The following SLC22A3 variants were observed in gnomAD, a reference collection of about 807,000 sequenced individuals.
The protein encoded by SLC22A3 is solute carrier family 22 member 3.
Under a neutral mutation model 59.1 loss-of-function variants are expected in SLC22A3, and 51 were observed. That is an observed-to-expected ratio of 0.86 (90% confidence interval 0.69 to 1.09). The LOEUF is 1.09. Ranked by LOEUF, SLC22A3 falls within the 50% of genes least tolerant of loss-of-function variation. The pLI, the probability that SLC22A3 is intolerant of heterozygous loss-of-function variation, is 0.00. For missense variants in SLC22A3, 711 were observed against 726.3 expected, an observed-to-expected ratio of 0.98 and a Z score of 0.24; for synonymous variants, 325 against 292.0, an observed-to-expected ratio of 1.11 and a Z score of -1.15.
intron 5 of SLC22A3, among the ~76,000 whole-genome samples, chr6:160,433,711 A>G (rs1255214789): frequency 6.6e-6 from 1 of 152,074 alleles, no homozygotes; most frequent in Non-Finnish European, 1.5e-5. Context: ...TATCTCAAAA[A>G]AAATTTTTTT....
chr6:160,407,214 A>T lies in SLC22A3; in HGVS notation c.688+19A>T. ...GTGATTGGTAAGACATTCTTACACCATCTTCTCTATTTGGAAACTAGGGCC... is the reference window on the plus strand; with the variant it reads ...GTGATTGGTAAGACATTCTTACACCTTCTTCTCTATTTGGAAACTAGGGCC... On this transcript the variant is annotated intron_variant, in intron 3 of 10. Coordinates refer to ENST00000275300, the MANE Select transcript of SLC22A3 (RefSeq NM_021977.4). 1.9e-6 allele frequency: 3 copies of T among 1,581,220 alleles called. No individual in the cohort carries two copies. The highest frequency in any genetic ancestry group is 2.6e-6 in the Non-Finnish European group (3 of 1,164,260).
intron 1 of SLC22A3, among the ~76,000 whole-genome samples, chr6:160,365,342 C>G (rs1785169194): frequency 6.6e-6 from 1 of 152,314 alleles, no homozygotes; most frequent in African/African-American, 2.4e-5. Context: ...CAAGGTCTGC[C>G]ACACCCTAAA....
chr6:160,348,980 G>T (rs1784571732), intron 1 of SLC22A3, 132 bp downstream of exon 1: 1 of 1,513,348 alleles, frequency 6.6e-7, no homozygotes, highest in Non-Finnish European at 8.8e-7. Context: ...TACCTCTGGG[G>T]ACAGACAGGA....
chr6:160,387,169 G>A (rs1363925074), intron 1 of SLC22A3, among the ~76,000 whole-genome samples: 1 of 152,228 alleles, frequency 6.6e-6, no homozygotes, highest in Non-Finnish European at 1.5e-5. Context: ...CCGAGGCCAG[G>A]GGCATGCAGA....
chr6:160,437,935 A>G (rs1348194429), intron 7 of SLC22A3, among the ~76,000 whole-genome samples: 1 of 152,176 alleles, frequency 6.6e-6, no homozygotes, highest in Non-Finnish European at 1.5e-5. Flanking sequence ...TGGAATCCAG[A>G]CAAGGAGCCT....
intron 5 of SLC22A3, among the ~76,000 whole-genome samples, chr6:160,417,251 T>G (rs973443785): frequency 6.6e-6 from 1 of 152,182 alleles, no homozygotes; most frequent in East Asian, 1.9e-4. Flanking sequence ...ACAGCCCTCT[T>G]GCTCCTTCTG....
intron 1 of SLC22A3, among the ~76,000 whole-genome samples, chr6:160,360,947 C>T (rs1784992278): frequency 6.6e-6 from 1 of 152,178 alleles, no homozygotes; most frequent in South Asian, 2.1e-4. Context: ...GCAGGTAAAT[C>T]ATTCTAAAAG....
chr6:160,348,937 A>AG, intron 1 of SLC22A3, 89 bp downstream of exon 1: 4 of 1,531,286 alleles, frequency 2.6e-6, no homozygotes, highest in Non-Finnish European at 3.5e-6. Flanking sequence ...GCTGGCCGCC[A>AG]GGGGAGGTCG....
chr6:160,408,661 T>G (rs1282603923), intron 3 of SLC22A3, 92 bp from the exon 4 acceptor site: 1 of 1,232,966 alleles, frequency 8.1e-7, no homozygotes, highest in Non-Finnish European at 1.2e-6. Flanking sequence ...GCAATGCTGA[T>G]GGATGTAACA....
Position 160,408,937 on chromosome 6 carries a change from T to C in SLC22A3, c.857+16T>C, listed in dbSNP as rs1015963195. 5.0e-6 allele frequency: 8 copies of C among 1,611,184 alleles called. No homozygotes were observed. Among genetic ancestry groups the C allele is most frequent in the Non-Finnish European group, 5.9e-6 (7 of 1,177,826 alleles). Reference sequence around the variant, plus strand: ...TTTATTACTGGTAATGTGGTTTTGGTTATCATCATATTTATACTGATTCTG... The same window carrying C: ...TTTATTACTGGTAATGTGGTTTTGGCTATCATCATATTTATACTGATTCTG... On this transcript the variant is annotated intron_variant, in intron 4 of 10. Coordinates refer to ENST00000275300, the MANE Select transcript of SLC22A3 (RefSeq NM_021977.4).
intron 5 of SLC22A3, among the ~76,000 whole-genome samples, chr6:160,426,999 A>G (rs1583503271): frequency 6.6e-6 from 1 of 152,258 alleles, no homozygotes; most frequent in East Asian, 1.9e-4. Flanking sequence ...TAAGTTGCAC[A>G]TCTCTAGTTA....
chr6:160,351,138 C>T (rs1784646052), intron 1 of SLC22A3, among the ~76,000 whole-genome samples: 1 of 152,152 alleles, frequency 6.6e-6, no homozygotes, highest in Admixed American at 6.5e-5. Flanking sequence ...TTCTTTGAGA[C>T]GGAGTCTCTC....
chr6:160,408,657 C>T, intron 3 of SLC22A3, 96 bp from the exon 4 acceptor site: 1 of 1,208,488 alleles, frequency 8.3e-7, no homozygotes, highest in Non-Finnish European at 1.2e-6. Flanking sequence ...TCTAGCAATG[C>T]TGATGGATGT....
chr6:160,354,719 CAGG>C (rs995112527), intron 1 of SLC22A3, among the ~76,000 whole-genome samples: 9 of 152,084 alleles, frequency 5.9e-5, no homozygotes, highest in African/African-American at 2.2e-4. Context: ...AGGTTGAACC[CAGG>C]AGGTCGAACT....
At chr6:160,395,362 A>G (rs920228625) in intron 1 of SLC22A3, among the ~76,000 whole-genome samples, 3 of 152,086 alleles carry the variant, frequency 2.0e-5, no homozygotes, top group African/African-American at 7.2e-5. Flanking sequence ...TACGAAAAGC[A>G]CTCCTGTTTG....
At chr6:160,360,865 G>A (rs1020707411) in intron 1 of SLC22A3, among the ~76,000 whole-genome samples, 1 of 152,076 alleles carries the variant, frequency 6.6e-6, no homozygotes, top group Non-Finnish European at 1.5e-5. Flanking sequence ...GTTCCTATGT[G>A]TCATCAGTTA....
chr6:160,437,124 A>T lies in SLC22A3; in HGVS notation c.1201A>T (p.Ile401Phe), dbSNP rs201551125. 1 of 1,614,122 alleles carries T rather than the reference A, an allele frequency of 6.2e-7. No individual in the cohort carries two copies. Among genetic ancestry groups the T allele is most frequent in the Non-Finnish European group, 8.5e-7 (1 of 1,180,000 alleles). ...AGGAGCTCTCTTGATCTTACTAACC[A>T]TTGAGCGCCTTGGACGACGCCTCCC... ...LPGALLILLT[I>F]ERLGRRLPFA... The change falls in exon 7 of 11, where the codon ATT (isoleucine) becomes TTT (phenylalanine). Residue 401 changes from isoleucine to phenylalanine, a missense_variant. Physicochemically the swap from Ile to Phe is conservative, Grantham distance 21. Transcript: ENST00000275300.
At chr6:160,351,811 A>G (rs1784670999) in intron 1 of SLC22A3, among the ~76,000 whole-genome samples, 1 of 152,180 alleles carries the variant, frequency 6.6e-6, no homozygotes, top group South Asian at 2.1e-4. Flanking sequence ...TCCTGGCTTC[A>G]TAGAAGAGAG....
intron 5 of SLC22A3, among the ~76,000 whole-genome samples, chr6:160,432,043 T>G (rs2114905604): frequency 6.6e-6 from 1 of 152,338 alleles, no homozygotes; most frequent in South Asian, 2.1e-4. Context: ...AAGTTGTATG[T>G]GAGCCCACAA....
Sources: allele counts gnomAD v4.1 joint callset (sites outside exome capture counted in the v4.1 genomes callset), GRCh38; gene constraint gnomAD v4.1.1; transcripts MANE v1.5; gene names NCBI Gene and HGNC (gene_info 2026-07-23, HGNC 2026-07-21).